Variants in DNAH2 observed in about 807,000 individuals in gnomAD.
The protein encoded by DNAH2 is axonemal beta dynein heavy chain 2.
DNAH2 carries 323 observed loss-of-function variants against 523.5 expected under a neutral mutation model. That is an observed-to-expected ratio of 0.62 (90% CI 0.56 to 0.68). The LOEUF is 0.68. DNAH2 is among the 30% of genes least tolerant of loss of function. The pLI is 0.00. For missense variants in DNAH2, 4,907 were observed against 5,701.5 expected, an observed-to-expected ratio of 0.86 and a Z score of 4.49; for synonymous variants, 2,093 against 2,177.4, an observed-to-expected ratio of 0.96 and a Z score of 1.08.
In DNAH2 at chr17:7,733,082, T is replaced by C; in HGVS notation, c.400-5T>C. 3 of 1,614,016 alleles carry C rather than the reference T, an allele frequency of 1.9e-6. No individual in the cohort carries two copies. Among genetic ancestry groups the C allele is most frequent in the East Asian group, 2.2e-5 (1 of 44,890 alleles). The stretch of plus-strand genomic sequence containing the variant: ...CTGAACTCTGATCTGCTGTCTTCCA[T>C]GCAGACCCAGAACCAGCTTGTCTAC... On this transcript the variant is annotated splice_polypyrimidine_tract_variant and splice_region_variant and intron_variant, in intron 4 of 85. Transcript: ENST00000572933.
chr17:7,768,077 G>C lies in DNAH2; in HGVS notation c.3837+16G>C. ...AGAGTATAAGGTGGGGAGAAACGGC[G>C]GGGAGGCGGAAGAGAAGCTGGTGGA... On this transcript the variant is annotated intron_variant, in intron 23 of 85. Transcript: ENST00000572933. 2 of 1,614,142 alleles carry C rather than the reference G, an allele frequency of 1.2e-6. No homozygotes were observed. Among genetic ancestry groups the C allele is most frequent in the Non-Finnish European group, 1.7e-6 (2 of 1,179,984 alleles).
rs758457827 is a variant in DNAH2, at chr17:7,798,561, T to C, written c.8402T>C (p.Ile2801Thr). The change falls in exon 55 of 86, where the codon ATC becomes ACC. Residue 2801 changes from isoleucine to threonine, a missense_variant. Coordinates refer to ENST00000572933, the MANE Select transcript of DNAH2 (RefSeq NM_020877.5). The surrounding 1 kb of genome is among the most constrained non-coding windows in gnomAD (Gnocchi z 5.5). ...HYRKQEFRDDIKRLYRQAGVE... is the reference protein window; with the variant it reads ...HYRKQEFRDDTKRLYRQAGVE... The stretch of plus-strand genomic sequence containing the variant: ...CCTCCTTCCCTCCCCCGGCCAGATA[T>C]CAAGCGTCTGTATCGCCAGGCTGGG... 2 of 1,613,878 alleles carry C rather than the reference T, an allele frequency of 1.2e-6. No homozygotes were observed. Among genetic ancestry groups the C allele is most frequent in the African/African-American group, 1.3e-5 (1 of 74,886 alleles).
intron 12 of DNAH2, 136 bp downstream of exon 12, chr17:7,743,278 C>CTT: frequency 2.0e-5 from 19 of 960,696 alleles, no homozygotes; most frequent in Non-Finnish European, 2.7e-5. Context: ...CGTCATTTTA[C>CTT]TTTTTTTTTT....
intron 63 of DNAH2, among the ~76,000 whole-genome samples, chr17:7,815,616 TCA>T (rs1315561154): frequency 2.7e-5 from 4 of 146,016 alleles, no homozygotes; most frequent in Admixed American, 2.1e-4. Context: ...ACATACAGGA[TCA>T]CACACACATA....
Position 7,807,601 on chromosome 17 carries a change from T to C in DNAH2, c.9729+15T>C. The C allele has an allele frequency of 6.2e-7, 1 of 1,605,030 alleles. No individual in the cohort carries two copies. On this transcript the variant is annotated intron_variant, in intron 63 of 85. Transcript: ENST00000572933. The surrounding 1 kb of genome is among the most constrained non-coding windows in gnomAD (Gnocchi z 5.6). Reference sequence around the variant, plus strand: ...AGCTGCGGGAGGTGAGCTGATCGCCTGTCCTTTCCACGGAGGTCCCTCTCC... The same window carrying C: ...AGCTGCGGGAGGTGAGCTGATCGCCCGTCCTTTCCACGGAGGTCCCTCTCC...
intron 44 of DNAH2, among the ~76,000 whole-genome samples, chr17:7,789,910 G>A (rs575337306): frequency 1.3e-5 from 2 of 152,216 alleles, no homozygotes; most frequent in South Asian, 2.1e-4. Flanking sequence ...ACCCAAGATC[G>A]GTATTCTGGA....
chr17:7,818,503 G>A, intron 69 of DNAH2, 43 bp downstream of exon 69: 3 of 1,607,826 alleles, frequency 1.9e-6, no homozygotes, highest in Non-Finnish European at 2.6e-6. Flanking sequence ...GGTGAAGCAG[G>A]AAGAGTTTGG....
intron 21 of DNAH2, among the ~76,000 whole-genome samples, chr17:7,765,840 C>T (rs1244875924): frequency 6.6e-6 from 1 of 151,680 alleles, no homozygotes; most frequent in Admixed American, 6.6e-5. Flanking sequence ...TGCAGTGGCT[C>T]GATCTCAGCT....
intron 77 of DNAH2, 90 bp downstream of exon 77, chr17:7,824,817 A>C: frequency 2.6e-6 from 3 of 1,141,904 alleles, no homozygotes; most frequent in Non-Finnish European, 3.5e-6. Context: ...ACCAACAACA[A>C]CATGATTTGA....
Position 7,781,073 on chromosome 17 carries a change from T to A in DNAH2, c.6035T>A (p.Ile2012Asn). The change falls in exon 39 of 86, where the codon ATC (isoleucine) becomes AAC (asparagine). Residue 2012 changes from isoleucine to asparagine, a missense_variant. By Grantham distance (149) the Ile-to-Asn change is moderately radical. Transcript: ENST00000572933. ...VLLLSMRDMN[I>N]AKLTSVDAPL... ...CTGCTCTCAATGAGAGATATGAACA[T>A]CGCCAAGCTCACTTCAGTTGATGCA... 6.2e-7 allele frequency: 1 copy of A among 1,614,244 alleles called. No individual in the cohort carries two copies.
Position 7,828,561 on chromosome 17 carries a change from C to A in DNAH2, c.11854-1739C>A, listed in dbSNP as rs1199024761. ...GGGTGGCATGAGCCACTGTTCCCAG[C>A]CTCCATTTATTATTTATTTTAATAA... On this transcript the variant is annotated intron_variant, in intron 77 of 85. Coordinates refer to ENST00000572933, the MANE Select transcript of DNAH2 (RefSeq NM_020877.5). This position sits in a 1 kb window ranked among gnomAD's most constrained non-coding sequence, Gnocchi z 4.1. 2.6e-5 allele frequency among the ~76,000 whole-genome samples: 4 copies of A among 152,150 alleles called. No homozygotes were observed. The highest frequency in any genetic ancestry group is 2.1e-4 in the South Asian group (1 of 4,820).
chr17:7,823,699 T>C (rs1032023989), intron 74 of DNAH2, 71 bp downstream of exon 74: 22 of 1,585,696 alleles, frequency 1.4e-5, no homozygotes, highest in African/African-American at 2.7e-5. Context: ...GCCCTTCCCA[T>C]TGTCCTCCAT....
intron 30 of DNAH2, among the ~76,000 whole-genome samples, 189 bp downstream of exon 30, chr17:7,775,531 C>A (rs1420364115): frequency 6.6e-6 from 1 of 151,996 alleles, no homozygotes; most frequent in African/African-American, 2.4e-5. Flanking sequence ...GCTAAAAATA[C>A]AAAATTAGGT....
intron 47 of DNAH2, 27 bp from the exon 48 acceptor site, chr17:7,792,954 C>A: frequency 1.2e-6 from 2 of 1,600,872 alleles, no homozygotes; most frequent in Non-Finnish European, 1.7e-6. Flanking sequence ...AGGGGACCCA[C>A]ACATTCATTC....
Position 7,727,169 on chromosome 17 carries a change from A to G in DNAH2, c.276A>G (p.Ala92=), listed in dbSNP as rs764054226. ...SRAALTGLAD[A]VWTQEHDAIL... is the part of the protein sequence containing the mutation. ...CTGCGCTGACAGGACTGGCGGATGC[A>G]GTGTGGACACAGGAGCATGATGCCA... Residue 92 remains alanine (A), a synonymous_variant, in exon 4 of 86, where the codon GCA becomes GCG. Transcript: ENST00000572933. The G allele has an allele frequency of 2.5e-6, 4 of 1,603,696 alleles. No homozygotes were observed. The African/African-American group carries it at 5.4e-5, about 22-fold the overall frequency.
rs763446253 is a variant in DNAH2, at chr17:7,807,362, C to T, written c.9612+43C>T. On this transcript the variant is annotated intron_variant, in intron 62 of 85. Coordinates refer to ENST00000572933, the MANE Select transcript of DNAH2 (RefSeq NM_020877.5). This position sits in a 1 kb window ranked among gnomAD's most constrained non-coding sequence, Gnocchi z 5.6. ...GGGGCGGGGCGGTAGGGAGGGCAGG[C>T]CTGGGGGAGTGCGGATGCACAGACC... The T allele has an allele frequency of 6.2e-7, 1 of 1,604,132 alleles. No homozygotes were observed.
intron 8 of DNAH2, chr17:7,738,900 A>G (rs1307531279): frequency 1.4e-6 from 1 of 698,520 alleles, no homozygotes; most frequent in Non-Finnish European, 2.6e-6. Flanking sequence ...TTGCCTTCCA[A>G]TTCAGTCGGC....
At chr17:7,752,847 ATTATTT>A in intron 12 of DNAH2, among the ~76,000 whole-genome samples, 1 of 152,344 alleles carries the variant, frequency 6.6e-6, no homozygotes, top group Non-Finnish European at 1.5e-5. Context: ...CCACTGAATA[ATTATTT>A]TTCAGGTGAA....
rs879637149 is a variant in DNAH2, at chr17:7,823,954, T to C, written c.11450T>C (p.Ile3817Thr). Residue 3817 changes from isoleucine to threonine, a missense_variant, in exon 75 of 86, where the codon ATC becomes ACC. Around this residue, in one of 3 missense-constraint regions of DNAH2, gnomAD observed 1,851 missense variants for 2,139.4 expected, o/e 0.87. Coordinates refer to ENST00000572933, the MANE Select transcript of DNAH2 (RefSeq NM_020877.5). The stretch of plus-strand genomic sequence containing the variant: ...ATCACCAACCTTGGCTCCCGCTTCA[T>C]CGAGCCGCCTGTGCTGAATATGAAG... ...FIITNLGSRF[I>T]EPPVLNMKSV... The C allele has an allele frequency of 8.1e-6, 13 of 1,613,648 alleles. No homozygotes were observed. Among genetic ancestry groups the C allele is most frequent in the Non-Finnish European group, 1.1e-5 (13 of 1,180,030 alleles).
Sources: allele counts gnomAD v4.1 joint callset (sites outside exome capture counted in the v4.1 genomes callset), GRCh38; gene constraint gnomAD v4.1.1; regional missense constraint gnomAD v4.1.1; non-coding constraint Gnocchi (gnomAD v3.1); transcripts MANE v1.5; gene names NCBI Gene and HGNC (gene_info 2026-07-23, HGNC 2026-07-21).